PCDHGA2: variants seen among roughly 807,000 people sequenced by gnomAD.
PCDHGA2 encodes the protein protocadherin gamma-A2.
Under a neutral mutation model 59.2 loss-of-function variants are expected in PCDHGA2, and 40 were observed. The ratio of observed to expected loss-of-function variants is 0.68; its 90% CI spans 0.52 to 0.88. PCDHGA2 has a LOEUF of 0.88. PCDHGA2 is among the 40% of genes least tolerant of loss of function. The pLI is 0.00. For synonymous variants in PCDHGA2, 560 were observed against 526.0 expected, an observed-to-expected ratio of 1.06 and a Z score of -0.89; for missense variants, 1,226 against 1,204.0, an observed-to-expected ratio of 1.02 and a Z score of -0.27.
At chr5:141,371,865 A>C (rs1048560743) in intron 1 of PCDHGA2, 1 of 1,613,506 alleles carries the variant, frequency 6.2e-7, no homozygotes, top group Middle Eastern at 1.6e-4. Context: ...CTCCTACTAC[A>C]TCGTGGCCAG....
intron 1 of PCDHGA2, chr5:141,365,484 C>G: frequency 1.2e-6 from 2 of 1,613,994 alleles, no homozygotes; most frequent in Non-Finnish European, 1.7e-6. Flanking sequence ...ATTGCATGCT[C>G]TATTCCTAGG....
intron 1 of PCDHGA2, chr5:141,399,431 T>A (rs757950073): frequency 3.1e-6 from 5 of 1,613,970 alleles, no homozygotes; most frequent in Admixed American, 3.3e-5. Context: ...ATAAGCGTCA[T>A]CCTACATATC....
At chr5:141,350,573 AC>A (rs1192655993) in intron 1 of PCDHGA2, 2 of 1,614,016 alleles carry the variant, frequency 1.2e-6, no homozygotes, top group Non-Finnish European at 1.7e-6. Flanking sequence ...AGAATTCGAA[AC>A]GGTCGCTGAA....
intron 1 of PCDHGA2, chr5:141,424,091 G>A: frequency 1.1e-6 from 1 of 879,778 alleles, no homozygotes; most frequent in Non-Finnish European, 1.4e-6. Context: ...ACCATTATTT[G>A]CTATTACTGC....
In PCDHGA2 at chr5:141,490,267, G is replaced by A. The variant is rs765238578; in HGVS notation, c.2425-4540G>A. ...TGTGATTCAAGTGGATGTGGGGGAT[G>A]TCAATGACAATGCCCCAGAGGTGCT... On this transcript the variant is annotated intron_variant, in intron 1 of 3. Transcript: ENST00000394576. The surrounding 1 kb of genome is among the most constrained non-coding windows in gnomAD (Gnocchi z 5.4). The A allele has an allele frequency of 6.2e-7, 1 of 1,614,242 alleles. No homozygotes were observed. The highest frequency in any genetic ancestry group is 1.1e-5 in the South Asian group (1 of 91,084).
At chr5:141,383,551 G>T (rs772901140) in intron 1 of PCDHGA2, 11 of 1,612,380 alleles carry the variant, frequency 6.8e-6, no homozygotes, top group Non-Finnish European at 9.3e-6. Context: ...CTCTGATGGC[G>T]GCGACCCGCC....
chr5:141,344,083 G>T lies in PCDHGA2; in HGVS notation c.2424+2688G>T, dbSNP rs1231019668. ...AATGGCAGAGGACTGGCCCTGCTGT[G>T]CGCGCTCCTGGGGACGCTGTGCGAA... On this transcript the variant is annotated intron_variant, in intron 1 of 3. Transcript: ENST00000394576. 9 of 1,611,398 alleles carry T rather than the reference G, an allele frequency of 5.6e-6. No homozygotes were observed. In the South Asian group the frequency reaches 6.6e-5, roughly 12 times the overall value.
At chr5:141,349,757 G>A (rs1758345817) in intron 1 of PCDHGA2, among the ~76,000 whole-genome samples, 1 of 152,030 alleles carries the variant, frequency 6.6e-6, no homozygotes. Context: ...CAGCAGTCAT[G>A]CCAGAGTTTA....
chr5:141,476,459 C>T lies in PCDHGA2; in HGVS notation c.2425-18348C>T. On this transcript the variant is annotated intron_variant, in intron 1 of 3. Coordinates refer to ENST00000394576, the MANE Select transcript of PCDHGA2 (RefSeq NM_018915.4). The surrounding 1 kb of genome is among the most constrained non-coding windows in gnomAD (Gnocchi z 7.6). ...AACTCTGGAGTTGGTAGTGGAGAACCCGCTGGAGCTGTTCAGCGTGGAAGT... is the reference window on the plus strand; with the variant it reads ...AACTCTGGAGTTGGTAGTGGAGAACTCGCTGGAGCTGTTCAGCGTGGAAGT... 6.2e-7 allele frequency: 1 copy of T among 1,614,048 alleles called. No individual in the cohort carries two copies. Among genetic ancestry groups the T allele is most frequent in the Non-Finnish European group, 8.5e-7 (1 of 1,180,006 alleles).
rs754935227 is a variant in PCDHGA2 at position 141,395,069 on chromosome 5, C to G, written c.2424+53674C>G. The G allele has an allele frequency of 3.7e-6, 6 of 1,614,006 alleles. No homozygotes were observed. In the African/African-American group the frequency reaches 8.0e-5, roughly 22 times the overall value. ...AGGAGGTACAGGCTTTCCTGCAGAC[C>G]TATTCCCAGGAAGTCTCCCTCACCG... On this transcript the variant is annotated intron_variant, in intron 1 of 3. Transcript: ENST00000394576.
chr5:141,403,667 G>T (rs1386561971), intron 1 of PCDHGA2: 8 of 1,613,910 alleles, frequency 5.0e-6, no homozygotes, highest in Non-Finnish European at 6.8e-6. Flanking sequence ...AAATGATAAT[G>T]CCCCGGTTTT....
intron 1 of PCDHGA2, chr5:141,357,774 G>T: frequency 1.1e-6 from 1 of 919,942 alleles, no homozygotes; most frequent in Non-Finnish European, 1.6e-6. Flanking sequence ...TTCCAATAAT[G>T]ATCAACAGTA....
intron 1 of PCDHGA2, chr5:141,389,284 C>G (rs1227474648): frequency 1.1e-5 from 17 of 1,613,930 alleles, no homozygotes; most frequent in Admixed American, 1.7e-5. Flanking sequence ...CCGCCTGGAG[C>G]CTCTATTTCA....
Position 141,431,614 on chromosome 5 carries a change from C to G in PCDHGA2, c.2425-63193C>G. ...TGAGGTATTCCTTCCGGTATGTGGACGACAAGGCGGCCCAAGTTTTCAAAC... is the reference window on the plus strand; with the variant it reads ...TGAGGTATTCCTTCCGGTATGTGGAGGACAAGGCGGCCCAAGTTTTCAAAC... On this transcript the variant is annotated intron_variant, in intron 1 of 3. Coordinates refer to ENST00000394576, the MANE Select transcript of PCDHGA2 (RefSeq NM_018915.4). This position sits in a 1 kb window ranked among gnomAD's most constrained non-coding sequence, Gnocchi z 4.8. 6.2e-7 allele frequency: 1 copy of G among 1,614,206 alleles called. No homozygotes were observed. The highest frequency in any genetic ancestry group is 1.1e-5 in the South Asian group (1 of 91,092).
intron 1 of PCDHGA2, among the ~76,000 whole-genome samples, chr5:141,443,016 G>T (rs1325670377): frequency 6.6e-6 from 1 of 152,204 alleles, no homozygotes; most frequent in East Asian, 1.9e-4. Context: ...TATGACTAAT[G>T]GAAGTTGCCA....
intron 1 of PCDHGA2, among the ~76,000 whole-genome samples, chr5:141,443,505 A>G (rs553893860): frequency 4.4e-4 from 67 of 152,222 alleles, no homozygotes; most frequent in African/African-American, 1.4e-3. Context: ...AAACAAATAA[A>G]GAGCTTCTCT....
intron 1 of PCDHGA2, among the ~76,000 whole-genome samples, chr5:141,400,971 C>T (rs1161811260): frequency 6.6e-6 from 1 of 152,138 alleles, no homozygotes; most frequent in African/African-American, 2.4e-5. Flanking sequence ...TCATCTCTTT[C>T]TTATGTTCCT....
chr5:141,431,554 C>G lies in PCDHGA2; in HGVS notation c.2425-63253C>G. 1 of 1,614,126 alleles carries G rather than the reference C, an allele frequency of 6.2e-7. No homozygotes were observed. The highest frequency in any genetic ancestry group is 1.7e-5 in the Admixed American group (1 of 60,032). ...TGGGCACGCAGCTGCTTGTAGTCAA[C>G]GCTACCGACCCTGACGAAGGAGTCA... is the stretch of plus-strand genomic sequence containing the variant. On this transcript the variant is annotated intron_variant, in intron 1 of 3. Coordinates refer to ENST00000394576, the MANE Select transcript of PCDHGA2 (RefSeq NM_018915.4). This position sits in a 1 kb window ranked among gnomAD's most constrained non-coding sequence, Gnocchi z 4.8.
chr5:141,365,833 G>T (rs1457711809), intron 1 of PCDHGA2: 2 of 1,613,920 alleles, frequency 1.2e-6, no homozygotes, highest in Non-Finnish European at 8.5e-7. Context: ...GGGCGCCCTT[G>T]TCCTCCTATG....
Sources: allele counts gnomAD v4.1 joint callset (sites outside exome capture counted in the v4.1 genomes callset), GRCh38; gene constraint gnomAD v4.1.1; non-coding constraint Gnocchi (gnomAD v3.1); transcripts MANE v1.5; gene names NCBI Gene and HGNC (gene_info 2026-07-23, HGNC 2026-07-21).